The following SELP variants were observed in gnomAD, a reference collection of about 807,000 sequenced individuals.
SELP encodes P-selectin.
A neutral mutation model predicts 104.1 loss-of-function variants in SELP; 92 were observed. The observed-to-expected ratio is 0.88, with a 90% CI of 0.75 to 1.05. The LOEUF is 1.05. Ranked by LOEUF, SELP falls within the 50% of genes least tolerant of loss-of-function variation. SELP has a pLI of 0.00. For missense variants in SELP, 1,022 were observed against 1,017.3 expected (o/e 1.00, Z -0.06); for synonymous variants, 397 against 364.5 (o/e 1.09, Z -1.01).
chr1:169,609,577 G>A lies in SELP; in HGVS notation c.1260C>T (p.Phe420=). 1.2e-6 allele frequency: 2 copies of A among 1,614,070 alleles called. No homozygotes were observed. The highest frequency in any genetic ancestry group is 1.7e-6 in the Non-Finnish European group (2 of 1,179,986). Reference sequence around the variant, plus strand: ...GAACTATATCGGCTCCTCTCAGCATGAAACCTTCAGCACAGCGGAAGCTAC... The same window carrying A: ...GAACTATATCGGCTCCTCTCAGCATAAAACCTTCAGCACAGCGGAAGCTAC... The part of the protein sequence containing the change: ...TNCSFRCAEG[F]MLRGADIVRC... Residue 420 remains phenylalanine (F), a synonymous_variant, in exon 8 of 17, where the codon TTC becomes TTT. Coordinates refer to ENST00000263686, the MANE Select transcript of SELP (RefSeq NM_003005.4).
chr1:169,590,933 T>G (rs757153935), intron 15 of SELP, among the ~76,000 whole-genome samples: 14 of 152,240 alleles, frequency 9.2e-5, no homozygotes, highest in Non-Finnish European at 1.8e-4. Context: ...ACTTTACATG[T>G]AAATATTAAG....
At chr1:169,602,890 T>C (rs776514105) in intron 10 of SELP, 136 bp downstream of exon 10, 4 of 608,752 alleles carry the variant, frequency 6.6e-6, no homozygotes, top group Non-Finnish European at 1.1e-5. Context: ...AGGGAGAACT[T>C]TTTTATCTAG....
At chr1:169,614,213 A>G (rs1242574765) in intron 3 of SELP, among the ~76,000 whole-genome samples, 1 of 152,162 alleles carries the variant, frequency 6.6e-6, no homozygotes, top group Non-Finnish European at 1.5e-5. Context: ...AAACCCTTTC[A>G]CCTTTCATTT....
chr1:169,604,770 G>A (rs1662099130), intron 9 of SELP, among the ~76,000 whole-genome samples: 1 of 152,218 alleles, frequency 6.6e-6, no homozygotes, highest in South Asian at 2.1e-4. Context: ...GGGAAAGGGT[G>A]TGGGTGAGGA....
chr1:169,628,281 T>C (rs1663475506), intron 1 of SELP, among the ~76,000 whole-genome samples: 1 of 152,212 alleles, frequency 6.6e-6, no homozygotes, highest in South Asian at 2.1e-4. Flanking sequence ...TCTATCTGAT[T>C]GAAAATACCC....
intron 7 of SELP, among the ~76,000 whole-genome samples, chr1:169,610,912 C>T (rs1398786705): frequency 6.6e-6 from 1 of 152,138 alleles, no homozygotes; most frequent in Non-Finnish European, 1.5e-5. Flanking sequence ...TCTAAAGTCT[C>T]ATAGCTAGAT....
intron 1 of SELP, among the ~76,000 whole-genome samples, chr1:169,620,947 TTCTGTGTG>T (rs1663080936): frequency 1.4e-5 from 1 of 71,418 alleles, no homozygotes. Flanking sequence ...CAGTGTGGGG[TTCTGTGTG>T]TGTGTGTGTG....
Position 169,608,858 on chromosome 1 carries a change from T to A in SELP, c.1333+646A>T, listed in dbSNP as rs111957672. Among the ~76,000 whole-genome samples, 623 of 152,176 alleles carry A rather than the reference T, an allele frequency of 4.1e-3. 5 individuals are homozygous for A. The highest frequency in any genetic ancestry group is 0.014 in the African/African-American group (571 of 41,490). On this transcript the variant is annotated intron_variant, in intron 8 of 16. Transcript: ENST00000263686. ...TGTGAGGTACTCCTCGTAAAAAAAA[T>A]AATAATCCTTGTGAACCACCACACC...
At chr1:169,593,958 A>T (rs1158289558) in intron 13 of SELP, among the ~76,000 whole-genome samples, 1 of 152,222 alleles carries the variant, frequency 6.6e-6, no homozygotes, top group African/African-American at 2.4e-5. Flanking sequence ...TATAGACTGT[A>T]ATTTCCAAAG....
intron 1 of SELP, among the ~76,000 whole-genome samples, chr1:169,626,458 G>T (rs1663378242): frequency 1.3e-5 from 2 of 152,208 alleles, no homozygotes; most frequent in South Asian, 4.1e-4. Flanking sequence ...GCGCATGCCT[G>T]TAATCCCAGC....
chr1:169,606,742 T>G (rs1662220388), intron 9 of SELP, among the ~76,000 whole-genome samples: 1 of 152,162 alleles, frequency 6.6e-6, no homozygotes, highest in Non-Finnish European at 1.5e-5. Context: ...TGGCCAGACA[T>G]CCTGACACTT....
intron 9 of SELP, 152 bp from the exon 10 acceptor site, chr1:169,603,363 G>C (rs372043455): frequency 3.2e-6 from 2 of 618,730 alleles, no homozygotes; most frequent in African/African-American, 2.0e-5. Flanking sequence ...AATATACAAC[G>C]ATGGTATTTG....
intron 14 of SELP, 73 bp downstream of exon 14, chr1:169,593,522 TGCCTCCCCAC>T: frequency 8.0e-7 from 1 of 1,251,992 alleles, no homozygotes; most frequent in Admixed American, 2.2e-5. Flanking sequence ...TTGTGGTTTT[TGCCTCCCCAC>T]CCTAAATTAC....
At chr1:169,615,270 A>G (rs886825365) in intron 3 of SELP, among the ~76,000 whole-genome samples, 7 of 152,170 alleles carry the variant, frequency 4.6e-5, no homozygotes, top group African/African-American at 7.2e-5. Context: ...GCTTCTCTAC[A>G]TCCTTTACAT....
intron 1 of SELP, among the ~76,000 whole-genome samples, chr1:169,620,298 G>A (rs1663032770): frequency 6.6e-6 from 1 of 151,862 alleles, no homozygotes; most frequent in African/African-American, 2.4e-5. Context: ...AAATACTGAA[G>A]CTTGGGGCAT....
chr1:169,609,118 G>C (rs1238900802), intron 8 of SELP, among the ~76,000 whole-genome samples: 1 of 151,522 alleles, frequency 6.6e-6, no homozygotes, highest in East Asian at 1.9e-4. Context: ...TTTTACAGAA[G>C]ATACTGAGCC....
intron 9 of SELP, among the ~76,000 whole-genome samples, chr1:169,603,606 G>A (rs1359690065): frequency 6.6e-6 from 1 of 152,062 alleles, no homozygotes; most frequent in Non-Finnish European, 1.5e-5. Flanking sequence ...ACCTTCTTCA[G>A]AAACACCCCA....
intron 10 of SELP, among the ~76,000 whole-genome samples, chr1:169,602,343 G>T (rs1399573311): frequency 6.6e-6 from 1 of 152,186 alleles, no homozygotes; most frequent in African/African-American, 2.4e-5. Flanking sequence ...AAGGTCTGTG[G>T]CTGGGATTTA....
chr1:169,594,965 T>C (rs998357449), intron 12 of SELP, 88 bp from the exon 13 acceptor site: 14 of 1,199,978 alleles, frequency 1.2e-5, no homozygotes, highest in Middle Eastern at 2.4e-4. Context: ...ACATTGCCAA[T>C]AAATGAGGCA....
Sources: gnomAD v4.1 joint callset for allele counts (sites outside exome capture counted in the v4.1 genomes callset) on GRCh38, gnomAD v4.1.1 for gene constraint, MANE v1.5 for transcripts, NCBI Gene and HGNC (gene_info 2026-07-23, HGNC 2026-07-21) for gene names.